MEMO1: variants seen among roughly 807,000 people sequenced by gnomAD.
The protein encoded by MEMO1 is mediator of cell motility 1, also known as protein MEMO1.
Under a neutral mutation model 45.2 loss-of-function variants are expected in MEMO1, and 6 were observed. The observed-to-expected ratio is 0.13, with a 90% confidence interval of 0.07 to 0.26. MEMO1 has a LOEUF of 0.26. Ranked by LOEUF, MEMO1 falls within the 10% of genes least tolerant of loss-of-function variation. MEMO1 has a pLI of 1.00. For synonymous variants in MEMO1, 78 were observed against 124.3 expected (o/e 0.63, Z 2.48); for missense variants, 184 against 370.5 (o/e 0.50, Z 4.13).
intron 8 of MEMO1, among the ~76,000 whole-genome samples, chr2:31,871,963 G>A (rs879580223): frequency 2.7e-5 from 4 of 150,590 alleles, no homozygotes; most frequent in African/African-American, 4.9e-5. Flanking sequence ...GCAGTGACCC[G>A]AGATTGTGCC....
intron 7 of MEMO1, among the ~76,000 whole-genome samples, chr2:31,885,599 G>C (rs1489058814): frequency 1.3e-5 from 2 of 152,160 alleles, no homozygotes. Flanking sequence ...CCTTAGACAA[G>C]AATATTCTGA....
intron 2 of MEMO1, among the ~76,000 whole-genome samples, chr2:31,985,377 G>A (rs1671137410): frequency 6.6e-6 from 1 of 152,208 alleles, no homozygotes; most frequent in South Asian, 2.1e-4. Flanking sequence ...CCAGGCTGGA[G>A]TGCAGTGGTG....
intron 6 of MEMO1, among the ~76,000 whole-genome samples, chr2:31,911,519 T>C (rs768686722): frequency 8.5e-5 from 13 of 152,216 alleles, no homozygotes; most frequent in South Asian, 4.1e-4. Context: ...AATTAAACTA[T>C]AGACTTTAGT....
intron 7 of MEMO1, among the ~76,000 whole-genome samples, chr2:31,883,903 GAA>G (rs5830216): frequency 2.2e-5 from 3 of 139,302 alleles, no homozygotes; most frequent in Non-Finnish European, 1.6e-5. Context: ...TATTACGGGG[GAA>G]AAAAAAAAAA....
chr2:31,946,098 G>C (rs1200985961), intron 2 of MEMO1, among the ~76,000 whole-genome samples: 1 of 152,128 alleles, frequency 6.6e-6, no homozygotes, highest in Admixed American at 6.5e-5. Flanking sequence ...GATGTTTTCT[G>C]GGGGAAGCAG....
intron 2 of MEMO1, among the ~76,000 whole-genome samples, chr2:31,966,242 G>A (rs557196594): frequency 6.6e-6 from 1 of 152,164 alleles, no homozygotes; most frequent in African/African-American, 2.4e-5. Flanking sequence ...TTACAAAAAT[G>A]GCTCTGTATA....
chr2:31,974,328 T>C (rs1669752263), intron 2 of MEMO1, among the ~76,000 whole-genome samples: 1 of 152,200 alleles, frequency 6.6e-6, no homozygotes. Flanking sequence ...ATTTTCAGTT[T>C]TACATTCAAA....
At chr2:31,929,915 C>A (rs1398872690) in intron 4 of MEMO1, among the ~76,000 whole-genome samples, 1 of 152,172 alleles carries the variant, frequency 6.6e-6, no homozygotes, top group Non-Finnish European at 1.5e-5. Flanking sequence ...TACACTTAGA[C>A]CTTAAAATTT....
intron 2 of MEMO1, among the ~76,000 whole-genome samples, chr2:31,994,624 T>C (rs6718407): frequency 0.15 from 22,392 of 150,752 alleles, 1,887 homozygotes; most frequent in African/African-American, 0.22. Context: ...GAGCCAGACT[T>C]TGTCTAAAAA....
rs948942270 is a variant in MEMO1 at position 31,932,066 on chromosome 2, C to T, written c.212+1G>A. On this transcript the variant is annotated splice_donor_variant, in intron 4 of 9. Coordinates refer to ENST00000404530, the MANE Select transcript of MEMO1 (RefSeq NM_001301833.4). LOFTEE classifies it high-confidence loss of function. ...ACTTAAAACAAAACTACATTACTTA[C>T]GTAATAGACGGATCCACTTGTTTAT... is the stretch of plus-strand genomic sequence containing the variant. 1 of 1,610,638 alleles carries T rather than the reference C, an allele frequency of 6.2e-7. No individual in the cohort carries two copies. The highest frequency in any genetic ancestry group is 8.5e-7 in the Non-Finnish European group (1 of 1,177,620).
intron 4 of MEMO1, among the ~76,000 whole-genome samples, chr2:31,930,506 G>A (rs1203490170): frequency 6.6e-6 from 1 of 151,858 alleles, no homozygotes; most frequent in African/African-American, 2.4e-5. Flanking sequence ...TTAACTCTGG[G>A]GTGTCCCATC....
At chr2:31,923,546 CTT>C in intron 4 of MEMO1, 1 of 1,308,672 alleles carries the variant, frequency 7.6e-7, no homozygotes, top group Non-Finnish European at 1.0e-6. Context: ...TAACATGACA[CTT>C]TGTTTTAAAT....
At chr2:31,949,469 A>T (rs1416736233) in intron 2 of MEMO1, among the ~76,000 whole-genome samples, 3 of 152,122 alleles carry the variant, frequency 2.0e-5, no homozygotes, top group Non-Finnish European at 2.9e-5. Flanking sequence ...ATTGGAGATC[A>T]TTATGTTAAG....
intron 6 of MEMO1, among the ~76,000 whole-genome samples, chr2:31,900,160 C>T (rs1678563795): frequency 6.6e-6 from 1 of 152,138 alleles, no homozygotes; most frequent in African/African-American, 2.4e-5. Context: ...TACCATTTGA[C>T]CCAGCAATCC....
chr2:32,002,244 C>CGTATATACGTATATGTGT lies in MEMO1; in HGVS notation c.61+7942_61+7943insACACATATACGTATATAC, dbSNP rs1558570295. Among the ~76,000 whole-genome samples, 272 of 134,576 alleles carry CGTATATACGTATATGTGT rather than the reference C, an allele frequency of 2.0e-3. 5 individuals carry two copies. Among genetic ancestry groups the CGTATATACGTATATGTGT allele is most frequent in the African/African-American group, 7.2e-3 (258 of 35,836 alleles). 88.3% of individuals were successfully genotyped at this position (134,576 alleles called of 152,430 possible). Reference sequence around the variant, plus strand: ...ACGTATATGTGTATATATACATATACATATATACGTGTATATATACATACA... The same window carrying CGTATATACGTATATGTGT: ...ACGTATATGTGTATATATACATATACGTATATACGTATATGTGTATATATACGTGTATATATACATACA... On this transcript the variant is annotated intron_variant, in intron 2 of 9. Transcript: ENST00000404530.
chr2:31,946,122 T>C (rs980383750), intron 2 of MEMO1, among the ~76,000 whole-genome samples: 10 of 152,220 alleles, frequency 6.6e-5, no homozygotes, highest in African/African-American at 1.9e-4. Context: ...TTGGTTTTAA[T>C]TGCATTTCAT....
At chr2:32,010,710 C>T (rs1572980202) in intron 1 of MEMO1, among the ~76,000 whole-genome samples, 1 of 149,908 alleles carries the variant, frequency 6.7e-6, no homozygotes, top group East Asian at 2.0e-4. Flanking sequence ...CCGCACCCAC[C>T]CCCACCCCCG....
chr2:31,896,141 C>T (rs1421270155), intron 6 of MEMO1, among the ~76,000 whole-genome samples: 1 of 151,944 alleles, frequency 6.6e-6, no homozygotes, highest in African/African-American at 2.4e-5. Context: ...CCGTGCCTGG[C>T]AAGAAAAAAA....
Position 31,974,507 on chromosome 2 carries a change from G to T in MEMO1, c.62-31124C>A, listed in dbSNP as rs368172102. 5.3e-5 allele frequency among the ~76,000 whole-genome samples: 8 copies of T among 152,266 alleles called. No individual in the cohort carries two copies. In the South Asian group the frequency reaches 1.0e-3, roughly 20 times the overall value. On this transcript the variant is annotated intron_variant, in intron 2 of 9. Coordinates refer to ENST00000404530, the MANE Select transcript of MEMO1 (RefSeq NM_001301833.4). ...CACGCCTGTAATCCCAGTATTCTGGGGGGTTGAGGCAGGTGGATCACGAGG... is the reference window on the plus strand; with the variant it reads ...CACGCCTGTAATCCCAGTATTCTGGTGGGTTGAGGCAGGTGGATCACGAGG...
Sources: allele counts gnomAD v4.1 joint callset (sites outside exome capture counted in the v4.1 genomes callset), GRCh38; gene constraint gnomAD v4.1.1; transcripts MANE v1.5; gene names NCBI Gene and HGNC (gene_info 2026-07-23, HGNC 2026-07-21).